ESRRG: variants seen among roughly 807,000 people sequenced by gnomAD.
ESRRG encodes the protein estrogen related receptor gamma.
In ESRRG, 13 loss-of-function variants were observed where a neutral mutation model predicts 44.0. The ratio of observed to expected loss-of-function variants is 0.30; its 90% CI spans 0.19 to 0.47. ESRRG has a LOEUF of 0.47. Ranked by LOEUF, ESRRG falls within the 20% of genes least tolerant of loss-of-function variation. ESRRG has a pLI of 1.00. For missense variants in ESRRG, 395 were observed against 580.6 expected (o/e 0.68, Z 3.29); for synonymous variants, 215 against 214.6 (o/e 1.00, Z -0.02).
intron 2 of ESRRG, among the ~76,000 whole-genome samples, chr1:216,763,902 T>C (rs1412194174): frequency 1.3e-5 from 2 of 152,300 alleles, no homozygotes; most frequent in East Asian, 3.9e-4. Flanking sequence ...CTTATGAGAA[T>C]ATTTAGCACC....
chr1:216,822,998 T>C (rs1013741226), intron 2 of ESRRG, among the ~76,000 whole-genome samples: 2 of 152,188 alleles, frequency 1.3e-5, no homozygotes, highest in African/African-American at 4.8e-5. Context: ...AAGATGAGTT[T>C]ACCCAATTAG....
chr1:216,811,587 T>A (rs1257851387), intron 2 of ESRRG, among the ~76,000 whole-genome samples: 1 of 152,180 alleles, frequency 6.6e-6, no homozygotes, highest in Non-Finnish European at 1.5e-5. Flanking sequence ...AGGATTAGGC[T>A]CCAATTGGTT....
At chr1:216,720,158 A>G (rs2085904158) in intron 1 of ESRRG, among the ~76,000 whole-genome samples, 1 of 152,102 alleles carries the variant, frequency 6.6e-6, no homozygotes, top group African/African-American at 2.4e-5. Context: ...TCAACTATAT[A>G]TAGTTTGGAA....
chr1:217,105,922 T>C (rs1034400568), intron 1 of ESRRG, among the ~76,000 whole-genome samples: 1 of 152,190 alleles, frequency 6.6e-6, no homozygotes, highest in Non-Finnish European at 1.5e-5. Flanking sequence ...TATTTCACTT[T>C]CTAGGTAAAC....
chr1:217,052,296 G>A (rs982061685), intron 1 of ESRRG, among the ~76,000 whole-genome samples: 2 of 152,148 alleles, frequency 1.3e-5, no homozygotes, highest in African/African-American at 4.8e-5. Flanking sequence ...GAACTGAGAT[G>A]ATTCAAAACA....
At position 216,912,165 on chromosome 1, in the gene ESRRG, GAAAA is replaced by G. The variant is rs1560082007; in HGVS notation, c.-14+27413_-14+27416del. Reference sequence around the variant, plus strand: ...GAAAAGAAAAGAAAAGAAAAGAAAAGAAAAGAAAAGAAAAGAAAAGGAGAGGAGA... The same window carrying G: ...GAAAAGAAAAGAAAAGAAAAGAAAAGGAAAAGAAAAGAAAAGGAGAGGAGA... On this transcript the variant is annotated intron_variant, in intron 2 of 7. Transcript: ENST00000359162. Among the ~76,000 whole-genome samples, 40 of 33,922 alleles carry G rather than the reference GAAAA, an allele frequency of 1.2e-3. 6 individuals carry two copies. Among genetic ancestry groups the G allele is most frequent in the African/African-American group, 7.8e-4 (4 of 5,114 alleles). 22.3% of individuals were successfully genotyped at this position (33,922 alleles called of 152,430 possible). A position where few individuals can be genotyped will look rare whatever the true frequency, so the allele number is the denominator to read the frequency against.
At chr1:216,522,299 A>T (rs1174809069) in intron 5 of ESRRG, among the ~76,000 whole-genome samples, 1 of 104,730 alleles carries the variant, frequency 9.5e-6, no homozygotes, top group Non-Finnish European at 1.7e-5. Flanking sequence ...AGGGAGCATG[A>T]GGAGACGGAT....
At chr1:216,640,377 C>T (rs1442274746) in intron 3 of ESRRG, among the ~76,000 whole-genome samples, 1 of 151,998 alleles carries the variant, frequency 6.6e-6, no homozygotes, top group Admixed American at 6.6e-5. Flanking sequence ...AACCTGGAAC[C>T]TAGCCTGCTT....
intron 2 of ESRRG, among the ~76,000 whole-genome samples, chr1:216,738,326 A>T (rs2090239476): frequency 6.6e-6 from 1 of 152,160 alleles, no homozygotes; most frequent in South Asian, 2.1e-4. Flanking sequence ...ATTTCCAGGG[A>T]TCCATCAGTT....
chr1:216,708,902 C>T (rs1353718183), intron 1 of ESRRG, among the ~76,000 whole-genome samples: 1 of 152,110 alleles, frequency 6.6e-6, no homozygotes, highest in Non-Finnish European at 1.5e-5. Context: ...AGGATGAGTT[C>T]ACATCCTTTG....
intron 1 of ESRRG, among the ~76,000 whole-genome samples, chr1:216,981,132 C>A (rs1461072334): frequency 6.6e-6 from 1 of 152,170 alleles, no homozygotes; most frequent in East Asian, 1.9e-4. Flanking sequence ...GCTACCTCTG[C>A]CCTTGCTGCC....
chr1:216,805,835 C>A (rs1173367843), intron 2 of ESRRG, among the ~76,000 whole-genome samples: 1 of 151,898 alleles, frequency 6.6e-6, no homozygotes, highest in Non-Finnish European at 1.5e-5. Context: ...GGCATTTAAG[C>A]CCAGAATACT....
At chr1:217,036,368 T>C (rs988138489) in intron 1 of ESRRG, among the ~76,000 whole-genome samples, 1 of 152,204 alleles carries the variant, frequency 6.6e-6, no homozygotes, top group Non-Finnish European at 1.5e-5. Context: ...CATGTGTATG[T>C]TCATTGCAGC....
chr1:217,078,480 A>G (rs1399293507), intron 1 of ESRRG: 1 of 152,236 alleles, frequency 6.6e-6, no homozygotes, highest in Non-Finnish European at 1.5e-5. Flanking sequence ...GCAACCTTTG[A>G]CAACTTCACA....
intron 1 of ESRRG, among the ~76,000 whole-genome samples, chr1:217,005,878 GT>G (rs1191925416): frequency 6.6e-5 from 10 of 152,062 alleles, no homozygotes; most frequent in Non-Finnish European, 1.5e-4. Flanking sequence ...TTCAGAGCCA[GT>G]CTTCATTACT....
At chr1:217,106,925 C>T (rs1050899880) in intron 1 of ESRRG, among the ~76,000 whole-genome samples, 1 of 152,142 alleles carries the variant, frequency 6.6e-6, no homozygotes, top group African/African-American at 2.4e-5. Flanking sequence ...ATTTAAAAGT[C>T]AGTCTCCGGT....
chr1:216,897,449 A>G (rs1420066568), intron 2 of ESRRG, among the ~76,000 whole-genome samples: 2 of 152,208 alleles, frequency 1.3e-5, no homozygotes, highest in Admixed American at 1.3e-4. Flanking sequence ...TTTGTGGACT[A>G]CACTGAGAAA....
intron 2 of ESRRG, among the ~76,000 whole-genome samples, chr1:216,760,797 A>T (rs942562443): frequency 6.6e-6 from 1 of 152,126 alleles, no homozygotes; most frequent in Admixed American, 6.6e-5. Context: ...TTAGAATTCA[A>T]TTCAGTTTAA....
intron 1 of ESRRG, among the ~76,000 whole-genome samples, chr1:217,036,411 C>A (rs1228382717): frequency 6.6e-6 from 1 of 152,144 alleles, no homozygotes; most frequent in Admixed American, 6.5e-5. Context: ...TGGAATCAAC[C>A]TAAATGCCCA....
Sources: gnomAD v4.1 joint callset for allele counts (sites outside exome capture counted in the v4.1 genomes callset) on GRCh38, gnomAD v4.1.1 for gene constraint, MANE v1.5 for transcripts, NCBI Gene and HGNC (gene_info 2026-07-23, HGNC 2026-07-21) for gene names.